Variants in PCDHA10 observed in about 807,000 individuals in gnomAD.
The protein encoded by PCDHA10 is protocadherin alpha 10, also known as protocadherin alpha-10.
In PCDHA10, 45 loss-of-function variants were observed where a neutral mutation model predicts 61.2. The ratio of observed to expected loss-of-function variants is 0.74; its 90% CI spans 0.58 to 0.94. The LOEUF is 0.94. Among genes scored for constraint, PCDHA10 ranks in the 40% least tolerant of loss-of-function variants. The probability of loss-of-function intolerance (pLI) is 0.00; values close to 1 mark genes in which losing one functional copy is unlikely to be tolerated. For missense variants in PCDHA10, 1,278 were observed against 1,236.2 expected (o/e 1.03, Z -0.51); for synonymous variants, 602 against 548.8 (o/e 1.10, Z -1.35).
chr5:140,966,753 C>G, intron 1 of PCDHA10: 3 of 1,433,176 alleles, frequency 2.1e-6, no homozygotes, highest in South Asian at 1.5e-5. Flanking sequence ...CTGCCTCCGC[C>G]GCGGCCAGTG....
chr5:140,915,630 C>G (rs2077218866), intron 1 of PCDHA10, among the ~76,000 whole-genome samples: 1 of 142,802 alleles, frequency 7.0e-6, no homozygotes, highest in South Asian at 2.1e-4. Flanking sequence ...CTTTCTGTCT[C>G]TCTCTCTCTC....
chr5:140,952,338 C>CA (rs55931446), intron 1 of PCDHA10, among the ~76,000 whole-genome samples: 315 of 135,024 alleles, frequency 2.3e-3, no homozygotes, highest in East Asian at 0.011. Context: ...AACTCCATCT[C>CA]AAAAAAAAAA....
intron 1 of PCDHA10, among the ~76,000 whole-genome samples, chr5:140,921,833 T>C (rs1228666561): frequency 1.3e-5 from 2 of 152,094 alleles, no homozygotes; most frequent in Admixed American, 6.6e-5. Flanking sequence ...TATACACATA[T>C]AGACATATTT....
chr5:140,985,499 C>G (rs1307302690), intron 3 of PCDHA10, among the ~76,000 whole-genome samples: 1 of 152,170 alleles, frequency 6.6e-6, no homozygotes, highest in African/African-American at 2.4e-5. Flanking sequence ...TAGAGCCTGC[C>G]TTTCATTGAT....
chr5:140,982,797 G>A (rs2097006142), intron 3 of PCDHA10, among the ~76,000 whole-genome samples: 1 of 151,640 alleles, frequency 6.6e-6, no homozygotes, highest in Admixed American at 6.6e-5. Context: ...ATGTGTGCAT[G>A]TGTGTGTGTG....
intron 1 of PCDHA10, among the ~76,000 whole-genome samples, chr5:140,898,096 G>T (rs2066523889): frequency 6.6e-6 from 1 of 152,034 alleles, no homozygotes; most frequent in South Asian, 2.1e-4. Context: ...TTAGCCCTTT[G>T]TCAGATGAGT....
chr5:140,981,698 A>C (rs1414640370), intron 2 of PCDHA10, among the ~76,000 whole-genome samples: 1 of 151,174 alleles, frequency 6.6e-6, no homozygotes, highest in Non-Finnish European at 1.5e-5. Context: ...TCATTCATTC[A>C]TTCATTCATT....
At chr5:140,876,554 A>C (rs2056417075) in intron 1 of PCDHA10, 2 of 1,614,052 alleles carry the variant, frequency 1.2e-6, no homozygotes, top group African/African-American at 2.7e-5. Context: ...CCTGTGCAAG[A>C]GGATGCTCAG....
chr5:140,946,631 T>TATATATATATATATATATATACAC lies in PCDHA10; in HGVS notation c.2389-32317_2389-32316insTATATATATATATATATATACACA, dbSNP rs57893927. Among the ~76,000 whole-genome samples, 100 of 131,838 alleles carry TATATATATATATATATATATACAC rather than the reference T, an allele frequency of 7.6e-4. 3 individuals carry two copies. Among genetic ancestry groups the TATATATATATATATATATATACAC allele is most frequent in the African/African-American group, 2.6e-3 (76 of 28,714 alleles). The allele number at this position is 131,838 out of a possible 152,430, so 86.5% of individuals were successfully genotyped here. A position where few individuals can be genotyped will look rare whatever the true frequency, so the allele number is the denominator to read the frequency against. On this transcript the variant is annotated intron_variant, in intron 1 of 3. Transcript: ENST00000307360. ...TGTGAAATATATATATATATATATA[T>TATATATATATATATATATATACAC]ACAATGGAATACTCATCAGCCATTA...
chr5:140,924,665 C>A (rs528625954), intron 1 of PCDHA10, among the ~76,000 whole-genome samples: 3 of 152,050 alleles, frequency 2.0e-5, no homozygotes, highest in Non-Finnish European at 4.4e-5. Flanking sequence ...GAGGCCGAGG[C>A]AGGCCAATCA....
intron 3 of PCDHA10, among the ~76,000 whole-genome samples, chr5:140,992,665 T>A (rs1219714191): frequency 2.6e-5 from 4 of 152,096 alleles, no homozygotes; most frequent in Non-Finnish European, 5.9e-5. Context: ...CTGATTGGTG[T>A]GTATGTGTGT....
chr5:140,913,178 A>G (rs2076245523), intron 1 of PCDHA10, among the ~76,000 whole-genome samples: 1 of 152,156 alleles, frequency 6.6e-6, no homozygotes, highest in African/African-American at 2.4e-5. Context: ...TCTTCTTTAA[A>G]TGTTTGGTAG....
Position 140,856,934 on chromosome 5 carries a change from G to A in PCDHA10, c.886G>A (p.Glu296Lys). Residue 296 changes from glutamate (E) to lysine (K), a missense_variant, in exon 1 of 4, where the codon GAA becomes AAA. Transcript: ENST00000307360. The stretch of plus-strand genomic sequence containing the variant: ...GATAAGAAGGAAATTTTGGATAAAC[G>A]AAAGGACGGGAGAAATAAAAGTAAA... ...PTIRRKFWIN[E>K]RTGEIKVNDA... 1 of 1,593,752 alleles carries A rather than the reference G, an allele frequency of 6.3e-7. No homozygotes were observed.
At chr5:140,981,128 G>A (rs1340714771) in intron 2 of PCDHA10, among the ~76,000 whole-genome samples, 1 of 152,214 alleles carries the variant, frequency 6.6e-6, no homozygotes, top group Non-Finnish European at 1.5e-5. Flanking sequence ...GTTGTTTGAA[G>A]TCAAAGAGTG....
chr5:140,891,433 G>A (rs1256174929), intron 1 of PCDHA10, among the ~76,000 whole-genome samples: 1 of 145,874 alleles, frequency 6.9e-6, no homozygotes, highest in African/African-American at 2.6e-5. Flanking sequence ...AGTCCCCAAC[G>A]TCCATTGTAT....
rs543804071 is a variant in PCDHA10, at chr5:140,951,447, C to T, written c.2389-27502C>T. Among the ~76,000 whole-genome samples the T allele has an allele frequency of 2.2e-4, 34 of 152,004 alleles. No homozygotes were observed. In the South Asian group the frequency reaches 5.8e-3, roughly 26 times the overall value. On this transcript the variant is annotated intron_variant, in intron 1 of 3. Coordinates refer to ENST00000307360, the MANE Select transcript of PCDHA10 (RefSeq NM_018901.4). ...CCACAGGCTGTAGGAAGCATGATGC[C>T]GGCCATCTGCTTGGCTTCTGGGGAG...
intron 1 of PCDHA10, among the ~76,000 whole-genome samples, chr5:140,887,521 T>C (rs561642770): frequency 1.3e-5 from 2 of 152,346 alleles, no homozygotes; most frequent in Admixed American, 1.3e-4. Flanking sequence ...TTTTTATATA[T>C]GAGTCTTCCT....
intron 3 of PCDHA10, among the ~76,000 whole-genome samples, chr5:140,996,581 A>C (rs1554255228): frequency 6.6e-6 from 1 of 152,118 alleles, no homozygotes; most frequent in Non-Finnish European, 1.5e-5. Flanking sequence ...ATTTGTTAAC[A>C]AGGGCCGCCT....
rs782673373 is a variant in PCDHA10 at position 140,858,110 on chromosome 5, G to A, written c.2062G>A (p.Glu688Lys). The change falls in exon 1 of 4, where the codon GAG (glutamate) becomes AAG (lysine). Residue 688 changes from glutamate to lysine, a missense_variant. Transcript: ENST00000307360. Reference protein sequence around the residue: ...SSRASVGVAPEVALVDVNVYL... With the variant: ...SSRASVGVAPKVALVDVNVYL... ...GCGGGCTTCAGTGGGCGTGGCGCCC[G>A]AGGTGGCCCTGGTGGATGTCAACGT... 5.6e-6 allele frequency: 9 copies of A among 1,597,760 alleles called. 1 individual carries two copies. The highest frequency in any genetic ancestry group is 3.4e-5 in the Admixed American group (2 of 59,350).
Sources: allele counts gnomAD v4.1 joint callset (sites outside exome capture counted in the v4.1 genomes callset), GRCh38; gene constraint gnomAD v4.1.1; transcripts MANE v1.5; gene names NCBI Gene and HGNC (gene_info 2026-07-23, HGNC 2026-07-21).